SLC8B1: variants seen among roughly 807,000 people sequenced by gnomAD.
SLC8B1 encodes solute carrier family 8 member B1, also known as mitochondrial sodium/calcium exchanger protein.
A neutral mutation model predicts 63.4 loss-of-function variants in SLC8B1; 52 were observed. The ratio of observed to expected loss-of-function variants is 0.82; its 90% confidence interval spans 0.66 to 1.03. SLC8B1 has a LOEUF of 1.03. Among genes scored for constraint, SLC8B1 ranks in the 50% least tolerant of loss-of-function variants. The probability of loss-of-function intolerance (pLI) is 0.00; values close to 1 mark genes in which losing one functional copy is unlikely to be tolerated. For missense variants in SLC8B1, 657 were observed against 741.7 expected (o/e 0.89, Z 1.33); for synonymous variants, 336 against 323.9 (o/e 1.04, Z -0.40).
chr12:113,306,449 G>A (rs538174977), intron 14 of SLC8B1, 46 bp downstream of exon 14: 18 of 1,501,180 alleles, frequency 1.2e-5, no homozygotes, highest in East Asian at 1.2e-4. Context: ...CCCCACCCAC[G>A]GCTGTGACAC....
intron 11 of SLC8B1, among the ~76,000 whole-genome samples, chr12:113,313,915 C>T (rs1956797031): frequency 6.6e-6 from 1 of 152,054 alleles, no homozygotes. Context: ...GAGGCTGAGG[C>T]AGGAGAATCA....
Position 113,319,028 on chromosome 12 carries a change from G to C in SLC8B1, c.738C>G (p.Leu246=), listed in dbSNP as rs201396709. ...GTTGCCGTTGGTAGATCCAGGTGCA[G>C]AGAATCACAGTGACCACATAGAACA... ...LYVFYVVTVI[L]CTWIYQRQRR... is the part of the protein sequence containing the mutation. The change falls in exon 8 of 16, where the codon CTC becomes CTG. Residue 246 remains leucine, a synonymous_variant. Transcript: ENST00000680972. 1.4e-4 allele frequency: 221 copies of C among 1,614,086 alleles called. 3 individuals carry two copies. The East Asian group carries it at 4.5e-3, about 33-fold the overall frequency.
intron 11 of SLC8B1, among the ~76,000 whole-genome samples, chr12:113,314,726 G>A (rs983351894): frequency 3.3e-5 from 5 of 152,162 alleles, no homozygotes; most frequent in Non-Finnish European, 7.4e-5. Context: ...ATGTGGCCCA[G>A]ATCTTGAGAA....
Position 113,307,800 on chromosome 12 carries a change from G to C in SLC8B1, c.1302C>G (p.Asn434Lys), listed in dbSNP as rs772560510. ...TGTTCACCACCTCTGTGGCGGCCGC[G>C]TTGATCCACAGGGCGCTGGTCAGAA... ...LGFLTSALWI[N>K]AAATEVVNIL... The change falls in exon 13 of 16, where the codon AAC becomes AAG. Residue 434 changes from asparagine (N) to lysine (K), a missense_variant. By Grantham distance (94) the Asn-to-Lys change is moderately conservative. Transcript: ENST00000680972. 6.2e-7 allele frequency: 1 copy of C among 1,613,602 alleles called. No homozygotes were observed. The highest frequency in any genetic ancestry group is 8.5e-7 in the Non-Finnish European group (1 of 1,180,028).
chr12:113,320,986 A>G lies in SLC8B1; in HGVS notation c.362+70T>C. On this transcript the variant is annotated intron_variant, in intron 4 of 15. Coordinates refer to ENST00000680972, the MANE Select transcript of SLC8B1 (RefSeq NM_001358345.2). The surrounding 1 kb of genome is among the most constrained non-coding windows in gnomAD (Gnocchi z 5.3). ...CTATCCTTCCCCCAAACTGAGGGTG[A>G]CCGAATGTCAGCCTCCTGGGACCCC... is the stretch of plus-strand genomic sequence containing the variant. 1 of 1,591,348 alleles carries G rather than the reference A, an allele frequency of 6.3e-7. No individual in the cohort carries two copies. Among genetic ancestry groups the G allele is most frequent in the Non-Finnish European group, 8.6e-7 (1 of 1,169,328 alleles).
intron 10 of SLC8B1, 133 bp downstream of exon 10, chr12:113,316,393 A>T (rs1482177320): frequency 4.1e-6 from 5 of 1,228,344 alleles, no homozygotes; most frequent in Non-Finnish European, 3.4e-6. Flanking sequence ...TTCCCCATCA[A>T]ATCACAAGTC....
chr12:113,321,034 C>T (rs553434584), intron 4 of SLC8B1, 22 bp downstream of exon 4: 40 of 1,607,090 alleles, frequency 2.5e-5, no homozygotes, highest in East Asian at 4.5e-5. Flanking sequence ...TAAGCCAGAC[C>T]GGAGCCCAGA....
chr12:113,315,967 G>C (rs1440675345), intron 10 of SLC8B1, among the ~76,000 whole-genome samples: 1 of 152,218 alleles, frequency 6.6e-6, no homozygotes, highest in African/African-American at 2.4e-5. Context: ...GCTCACGCCT[G>C]TAATCCCAGC....
At chr12:113,319,451 A>G in intron 7 of SLC8B1, 1 of 212,638 alleles carries the variant, frequency 4.7e-6, no homozygotes, top group East Asian at 1.5e-4. Context: ...GAGACTCTGG[A>G]GTCTTTCTTC....
chr12:113,332,670 C>A (rs201625097), intron 2 of SLC8B1, 53 bp downstream of exon 2: 17 of 1,561,932 alleles, frequency 1.1e-5, no homozygotes, highest in Non-Finnish European at 1.5e-5. Flanking sequence ...AGATATTTAT[C>A]GATTGGAGGA....
At position 113,306,518 on chromosome 12, in the gene SLC8B1, G is replaced by C; in HGVS notation, c.1469C>G (p.Ala490Gly). 3.1e-6 allele frequency: 5 copies of C among 1,613,704 alleles called. No homozygotes were observed. The highest frequency in any genetic ancestry group is 4.2e-6 in the Non-Finnish European group (5 of 1,179,826). Residue 490 changes from alanine (A) to glycine (G), a missense_variant, in exon 14 of 16, where the codon GCC becomes GGC. By Grantham distance (60) the Ala-to-Gly change is moderately conservative. Transcript: ENST00000680972. ...RQGYPRMAFS[A>G]CFGGIIFNIL... Reference sequence around the variant, plus strand: ...ACTGAAGATGATGCCGCCAAAGCAGGCGGAGAACGCCATCCGTGGGTAGCC... The same window carrying C: ...ACTGAAGATGATGCCGCCAAAGCAGCCGGAGAACGCCATCCGTGGGTAGCC...
At chr12:113,332,552 G>T (rs1957070254) in intron 2 of SLC8B1, among the ~76,000 whole-genome samples, 171 bp downstream of exon 2, 1 of 152,150 alleles carries the variant, frequency 6.6e-6, no homozygotes, top group Non-Finnish European at 1.5e-5. Flanking sequence ...TTCTTGATCT[G>T]TCTGTTCAGG....
chr12:113,330,241 A>C (rs1356643191), intron 2 of SLC8B1, among the ~76,000 whole-genome samples: 1 of 152,206 alleles, frequency 6.6e-6, no homozygotes, highest in East Asian at 1.9e-4. Context: ...GTAGGTGCTC[A>C]ATAACTATTT....
At chr12:113,317,815 G>A (rs1440141673) in intron 8 of SLC8B1, among the ~76,000 whole-genome samples, 1 of 149,934 alleles carries the variant, frequency 6.7e-6, no homozygotes. Context: ...GTGTGTGCAT[G>A]TATTTGTGTG....
intron 15 of SLC8B1, among the ~76,000 whole-genome samples, chr12:113,303,005 A>G (rs199950479): frequency 4.1e-5 from 6 of 147,704 alleles, no homozygotes; most frequent in South Asian, 2.1e-4. Flanking sequence ...TGGTAGACAC[A>G]CGCGCACACA....
chr12:113,310,414 T>G, intron 11 of SLC8B1, 59 bp from the exon 12 acceptor site: 3 of 1,570,066 alleles, frequency 1.9e-6, no homozygotes, highest in Non-Finnish European at 2.6e-6. Flanking sequence ...CCACTTACAA[T>G]GGACTATTTG....
chr12:113,319,349 G>C lies in SLC8B1; in HGVS notation c.695-278C>G, dbSNP rs144515344. The C allele has an allele frequency of 3.4e-4, 118 of 349,420 alleles. 2 individuals are homozygous for C. The East Asian group carries it at 7.6e-3, about 23-fold the overall frequency. The allele number at this position is 349,420 out of a possible 1,614,324, so 21.6% of individuals were successfully genotyped here. A position where few individuals can be genotyped will look rare whatever the true frequency, so the allele number is the denominator to read the frequency against. On this transcript the variant is annotated intron_variant, in intron 7 of 15. Coordinates refer to ENST00000680972, the MANE Select transcript of SLC8B1 (RefSeq NM_001358345.2). ...TTCAAGTACTAAGGGTCGGTGTCCT[G>C]CTCTGTGCCCTGGGAGGAGGCAGCC...
At chr12:113,316,805 C>T in intron 9 of SLC8B1, 137 bp downstream of exon 9, 6 of 1,479,726 alleles carry the variant, frequency 4.1e-6, no homozygotes, top group Non-Finnish European at 5.6e-6. Context: ...TGGCCCTTGG[C>T]TCACCTGAGC....
chr12:113,301,946 A>G (rs1040486868), intron 15 of SLC8B1, among the ~76,000 whole-genome samples: 3 of 152,152 alleles, frequency 2.0e-5, no homozygotes, highest in Non-Finnish European at 4.4e-5. Flanking sequence ...GCAGAAATGA[A>G]TGAGCGAGAG....
Sources: allele counts gnomAD v4.1 joint callset (sites outside exome capture counted in the v4.1 genomes callset), GRCh38; gene constraint gnomAD v4.1.1; non-coding constraint Gnocchi (gnomAD v3.1); transcripts MANE v1.5; gene names NCBI Gene and HGNC (gene_info 2026-07-23, HGNC 2026-07-21).